LONRF1: variants seen among roughly 807,000 people sequenced by gnomAD.
LONRF1 encodes LON peptidase N-terminal domain and ring finger 1.
Under a neutral mutation model 85.8 loss-of-function variants are expected in LONRF1, and 37 were observed. That is an observed-to-expected ratio of 0.43 (90% CI 0.33 to 0.57). LONRF1 has a LOEUF of 0.57. Among genes scored for constraint, LONRF1 ranks in the 20% least tolerant of loss-of-function variants. LONRF1 has a pLI of 0.04. For synonymous variants in LONRF1, 517 were observed against 390.1 expected, an observed-to-expected ratio of 1.33 and a Z score of -3.83; for missense variants, 1,036 against 978.0, an observed-to-expected ratio of 1.06 and a Z score of -0.79.
Position 12,741,003 on chromosome 8 carries a change from T to C in LONRF1, c.841-7A>G. ...TTCCTTTCCTGAAGTAGACCTTTAATAAAAGCAGATATATAAAACCTTTGT... is the reference window on the plus strand; with the variant it reads ...TTCCTTTCCTGAAGTAGACCTTTAACAAAAGCAGATATATAAAACCTTTGT... On this transcript the variant is annotated splice_region_variant and splice_polypyrimidine_tract_variant and intron_variant, in intron 2 of 11. Transcript: ENST00000398246. 1 of 1,610,652 alleles carries C rather than the reference T, an allele frequency of 6.2e-7. No individual in the cohort carries two copies. Among genetic ancestry groups the C allele is most frequent in the Non-Finnish European group, 8.5e-7 (1 of 1,178,652 alleles).
In LONRF1 at chr8:12,736,596, C is replaced by G. The variant is rs377388281; in HGVS notation, c.1451+105G>C. 54 of 759,734 alleles carry G rather than the reference C, an allele frequency of 7.1e-5. No individual in the cohort carries two copies. The African/African-American group carries it at 8.8e-4, about 12-fold the overall frequency. The allele number at this position is 759,734 out of a possible 1,614,324, so 47.1% of individuals were successfully genotyped here. On this transcript the variant is annotated intron_variant, in intron 6 of 11. Transcript: ENST00000398246. Reference sequence around the variant, plus strand: ...AAATTCATGTCTTTTGATTTTTATTCCAGCATTGTGTTACTTTACATTGTC... The same window carrying G: ...AAATTCATGTCTTTTGATTTTTATTGCAGCATTGTGTTACTTTACATTGTC...
chr8:12,735,240 C>A, intron 7 of LONRF1, 46 bp downstream of exon 7: 1 of 1,268,578 alleles, frequency 7.9e-7, no homozygotes, highest in Non-Finnish European at 1.1e-6. Flanking sequence ...TTAAACCATG[C>A]TGCCAAACTT....
chr8:12,741,727 T>A (rs1585245466), intron 2 of LONRF1, among the ~76,000 whole-genome samples: 1 of 152,264 alleles, frequency 6.6e-6, no homozygotes, highest in East Asian at 1.9e-4. Flanking sequence ...ATGGTAAATT[T>A]CTTCCAAGTT....
chr8:12,732,511 C>G (rs961912561), intron 7 of LONRF1, among the ~76,000 whole-genome samples: 1 of 152,150 alleles, frequency 6.6e-6, no homozygotes, highest in African/African-American at 2.4e-5. Flanking sequence ...GCGCTGACCC[C>G]TAAATACTCT....
At chr8:12,747,282 T>C (rs1223673662) in intron 1 of LONRF1, among the ~76,000 whole-genome samples, 14 of 152,198 alleles carry the variant, frequency 9.2e-5, no homozygotes, top group Admixed American at 8.5e-4. Flanking sequence ...TTTTCTATTC[T>C]AGAGTCATGG....
intron 2 of LONRF1, among the ~76,000 whole-genome samples, 195 bp from the exon 3 acceptor site, chr8:12,741,191 C>A (rs1585244653): frequency 6.6e-6 from 1 of 152,120 alleles, no homozygotes; most frequent in Non-Finnish European, 1.5e-5. Context: ...CGAGACCAGT[C>A]TGGTCAACAT....
intron 10 of LONRF1, chr8:12,727,431 G>T (rs1042434601): frequency 6.6e-6 from 1 of 150,750 alleles, no homozygotes; most frequent in African/African-American, 2.4e-5. Flanking sequence ...AAACAAATTT[G>T]AGAAGGTTTT....
At chr8:12,733,362 T>A (rs867790058) in intron 7 of LONRF1, among the ~76,000 whole-genome samples, 1 of 152,178 alleles carries the variant, frequency 6.6e-6, no homozygotes, top group South Asian at 2.1e-4. Context: ...AATCCAACAA[T>A]TGGTTTTAAG....
chr8:12,747,628 A>G (rs763223064), intron 1 of LONRF1, among the ~76,000 whole-genome samples: 1 of 152,214 alleles, frequency 6.6e-6, no homozygotes, highest in Non-Finnish European at 1.5e-5. Context: ...TAGGCAGAAA[A>G]GGTTTAAAGA....
chr8:12,728,021 TAG>T (rs1257828322), intron 10 of LONRF1, among the ~76,000 whole-genome samples: 1 of 152,216 alleles, frequency 6.6e-6, no homozygotes. Flanking sequence ...TACTATTTCA[TAG>T]AGTTGTGAAA....
At position 12,723,183 on chromosome 8, in the gene LONRF1, C is replaced by A; in HGVS notation, c.2235G>T (p.Leu745=). The change falls in exon 12 of 12, where the codon CTG becomes CTT. Residue 745 remains leucine (L), a synonymous_variant. Transcript: ENST00000398246. ...TCAAAGACTTCATTGACAAAACCGACAGCTGGTATCGTGGGTCTACAGGGA... is the reference window on the plus strand; with the variant it reads ...TCAAAGACTTCATTGACAAAACCGAAAGCTGGTATCGTGGGTCTACAGGGA... The part of the protein sequence containing the change: ...AVLPVDPRYQ[L]SVLSMKSLKE... 1 of 1,614,164 alleles carries A rather than the reference C, an allele frequency of 6.2e-7. No homozygotes were observed. The highest frequency in any genetic ancestry group is 1.1e-5 in the South Asian group (1 of 91,080).
chr8:12,744,832 CGAG>C (rs1799081550), intron 1 of LONRF1, among the ~76,000 whole-genome samples: 1 of 152,090 alleles, frequency 6.6e-6, no homozygotes, highest in South Asian at 2.1e-4. Context: ...GTACCTCCAG[CGAG>C]GAGTTCACTA....
chr8:12,752,728 G>A (rs1182191779), intron 1 of LONRF1, among the ~76,000 whole-genome samples: 4 of 152,186 alleles, frequency 2.6e-5, no homozygotes, highest in African/African-American at 9.7e-5. Flanking sequence ...TGTTAAGCTA[G>A]ACCTCAATTA....
intron 2 of LONRF1, 30 bp downstream of exon 2, chr8:12,743,134 A>C (rs776513717): frequency 1.4e-6 from 2 of 1,398,678 alleles, no homozygotes; most frequent in Non-Finnish European, 2.0e-6. Flanking sequence ...AAATTTTACA[A>C]TTTATGCAAA....
chr8:12,738,704 G>A (rs1798816600), intron 3 of LONRF1: 1 of 152,158 alleles, frequency 6.6e-6, no homozygotes, highest in African/African-American at 2.4e-5. Flanking sequence ...ATAATAGCGA[G>A]GAAATAAGCT....
At chr8:12,738,991 G>A (rs187428090) in intron 3 of LONRF1, among the ~76,000 whole-genome samples, 14 of 152,166 alleles carry the variant, frequency 9.2e-5, no homozygotes, top group African/African-American at 2.9e-4. Flanking sequence ...ATAAAAGCAC[G>A]TATCTTTGGT....
Position 12,743,190 on chromosome 8 carries a change from GA to G in LONRF1, c.813del (p.Leu272PhefsTer24). The part of the protein sequence containing the change: ...FKAAIEDLNA[V>X]LFQLPDWPEV... ...TCAGGCCAATCTGGAAGTTGAAAAAGAACTGCATTTAAATCTTCTATGGCTG... is the reference window on the plus strand; with the variant it reads ...TCAGGCCAATCTGGAAGTTGAAAAAGACTGCATTTAAATCTTCTATGGCTG... On this transcript the variant is annotated frameshift_variant, in exon 2 of 12. Transcript: ENST00000398246. LOFTEE classifies it high-confidence loss of function. 6.2e-7 allele frequency: 1 copy of G among 1,611,782 alleles called. No homozygotes were observed. Among genetic ancestry groups the G allele is most frequent in the Non-Finnish European group, 8.5e-7 (1 of 1,178,240 alleles).
intron 1 of LONRF1, among the ~76,000 whole-genome samples, chr8:12,750,879 T>TTC (rs1308115757): frequency 6.6e-6 from 1 of 152,248 alleles, no homozygotes; most frequent in African/African-American, 2.4e-5. Flanking sequence ...CTTCTAGCCG[T>TTC]AACACACTTC....
intron 8 of LONRF1, 55 bp from the exon 9 acceptor site, chr8:12,729,387 C>A: frequency 1.3e-6 from 2 of 1,546,858 alleles, no homozygotes; most frequent in South Asian, 1.2e-5. Flanking sequence ...TATTACCGAA[C>A]ACATACAAAA....
Sources: gnomAD v4.1 joint callset for allele counts (sites outside exome capture counted in the v4.1 genomes callset) on GRCh38, gnomAD v4.1.1 for gene constraint, MANE v1.5 for transcripts, NCBI Gene and HGNC (gene_info 2026-07-23, HGNC 2026-07-21) for gene names.